Variants in PACRG observed in about 807,000 individuals in gnomAD.
PACRG encodes parkin coregulated gene protein.
PACRG carries 29 observed loss-of-function variants against 29.7 expected under a neutral mutation model. The ratio of observed to expected loss-of-function variants is 0.98; its 90% confidence interval spans 0.73 to 1.33. The LOEUF is 1.33. PACRG is among the 40% of genes most tolerant of loss of function. The pLI is 0.00. For synonymous variants in PACRG, 116 were observed against 118.7 expected (o/e 0.98, Z 0.15); for missense variants, 279 against 316.2 (o/e 0.88, Z 0.89).
intron 2 of PACRG, among the ~76,000 whole-genome samples, chr6:162,974,054 T>C (rs1435929084): frequency 6.6e-6 from 1 of 152,186 alleles, no homozygotes; most frequent in Non-Finnish European, 1.5e-5. Context: ...GAGAAGAATT[T>C]ATTGCAAGTA....
chr6:162,928,592 A>C (rs1335272200), intron 2 of PACRG, among the ~76,000 whole-genome samples: 1 of 151,858 alleles, frequency 6.6e-6, no homozygotes. Context: ...CACCTTAAAG[A>C]TTTGTCTTTT....
At chr6:163,212,802 C>T (rs1489805340) in intron 4 of PACRG, among the ~76,000 whole-genome samples, 8 of 145,338 alleles carry the variant, frequency 5.5e-5, no homozygotes, top group South Asian at 2.1e-4. Context: ...TTTTTTGAGA[C>T]GGAGTCTCGC....
intron 2 of PACRG, among the ~76,000 whole-genome samples, chr6:162,915,272 CT>C (rs1337452829): frequency 7.1e-4 from 103 of 145,238 alleles, no homozygotes; most frequent in East Asian, 9.9e-4. Flanking sequence ...TTAAAATAAT[CT>C]TTTTTTTTTT....
chr6:162,944,302 A>G (rs1398225847), intron 2 of PACRG, among the ~76,000 whole-genome samples: 3 of 152,198 alleles, frequency 2.0e-5, no homozygotes, highest in African/African-American at 7.2e-5. Flanking sequence ...CCAACATCAT[A>G]GGTACATCTT....
At chr6:163,140,501 C>G (rs1374677886) in intron 4 of PACRG, among the ~76,000 whole-genome samples, 2 of 152,166 alleles carry the variant, frequency 1.3e-5, no homozygotes, top group Admixed American at 6.5e-5. Context: ...TGCTGCTGGA[C>G]TGGAGGCTCT....
intron 1 of PACRG, among the ~76,000 whole-genome samples, chr6:162,776,116 C>T (rs1311642236): frequency 6.6e-6 from 1 of 152,152 alleles, no homozygotes; most frequent in African/African-American, 2.4e-5. Context: ...TACATTGTCC[C>T]CGACATCTTT....
intron 4 of PACRG, among the ~76,000 whole-genome samples, chr6:163,172,223 CA>C (rs1446420400): frequency 6.6e-6 from 1 of 152,202 alleles, no homozygotes; most frequent in African/African-American, 2.4e-5. Flanking sequence ...TTGTAGCCAG[CA>C]TTGGAAATTT....
chr6:163,163,495 C>T (rs919826041), intron 4 of PACRG, among the ~76,000 whole-genome samples: 8 of 152,290 alleles, frequency 5.3e-5, no homozygotes, highest in Non-Finnish European at 1.0e-4. Flanking sequence ...TGGTCTCAAA[C>T]TCCGGACCTC....
intron 1 of PACRG, among the ~76,000 whole-genome samples, chr6:162,805,082 GT>G (rs1786205532): frequency 1.3e-5 from 2 of 152,128 alleles, no homozygotes; most frequent in Admixed American, 6.5e-5. Flanking sequence ...GATAGAAAAG[GT>G]ATGGTAAAAA....
intron 2 of PACRG, among the ~76,000 whole-genome samples, chr6:162,977,910 G>A (rs1030500486): frequency 2.0e-5 from 3 of 152,100 alleles, no homozygotes; most frequent in Non-Finnish European, 4.4e-5. Context: ...TTGGGAGGCC[G>A]AGGGAGGCAG....
At chr6:162,756,169 A>C (rs1433988600) in intron 1 of PACRG, among the ~76,000 whole-genome samples, 2 of 152,296 alleles carry the variant, frequency 1.3e-5, no homozygotes, top group Non-Finnish European at 2.9e-5. Context: ...CATTTGTTTT[A>C]AAGTTTAATT....
chr6:162,859,605 A>G (rs1791686584), intron 2 of PACRG, among the ~76,000 whole-genome samples: 1 of 152,148 alleles, frequency 6.6e-6, no homozygotes, highest in South Asian at 2.1e-4. Flanking sequence ...TTGCCAAAGC[A>G]AACCATAAAA....
At chr6:163,020,123 CATA>C (rs1806475723) in intron 2 of PACRG, among the ~76,000 whole-genome samples, 1 of 152,192 alleles carries the variant, frequency 6.6e-6, no homozygotes, top group African/African-American at 2.4e-5. Flanking sequence ...GTAAAGAAAA[CATA>C]ATACTTTCAG....
intron 4 of PACRG, among the ~76,000 whole-genome samples, chr6:163,228,513 A>G (rs1781899194): frequency 2.0e-5 from 3 of 152,210 alleles, no homozygotes; most frequent in Admixed American, 2.0e-4. Flanking sequence ...AGTTTATGAC[A>G]AATAGATTAA....
intron 4 of PACRG, among the ~76,000 whole-genome samples, chr6:163,138,572 A>G: frequency 6.6e-6 from 1 of 152,176 alleles, no homozygotes; most frequent in East Asian, 1.9e-4. Flanking sequence ...TCACATGCGC[A>G]GTTCACAATA....
intron 2 of PACRG, among the ~76,000 whole-genome samples, chr6:162,997,790 ATTAAC>A (rs1804213387): frequency 6.6e-6 from 1 of 152,244 alleles, no homozygotes; most frequent in African/African-American, 2.4e-5. Context: ...CTTTTGCTAT[ATTAAC>A]TTGACACTAT....
intron 4 of PACRG, among the ~76,000 whole-genome samples, chr6:163,171,818 C>T (rs1779100492): frequency 6.6e-6 from 1 of 152,198 alleles, no homozygotes; most frequent in African/African-American, 2.4e-5. Flanking sequence ...TGGACTGCAG[C>T]TGGCCCAAGT....
intron 2 of PACRG, among the ~76,000 whole-genome samples, chr6:162,959,547 A>G (rs909534975): frequency 1.3e-5 from 2 of 152,192 alleles, no homozygotes; most frequent in Non-Finnish European, 2.9e-5. Flanking sequence ...TATACAGACC[A>G]TGGTAAGGAC....
intron 2 of PACRG, among the ~76,000 whole-genome samples, chr6:162,918,471 C>T (rs147060652): frequency 9.2e-5 from 14 of 152,322 alleles, no homozygotes; most frequent in Middle Eastern, 3.4e-3. Context: ...CAGGAAGCTG[C>T]GCTGTGCCCA....
Sources: gnomAD v4.1 joint callset for allele counts (sites outside exome capture counted in the v4.1 genomes callset) on GRCh38, gnomAD v4.1.1 for gene constraint, MANE v1.5 for transcripts, NCBI Gene and HGNC (gene_info 2026-07-23, HGNC 2026-07-21) for gene names.